Variants in LRFN5 observed in about 807,000 individuals in gnomAD.
LRFN5 encodes the protein leucine-rich repeat and fibronectin type-III domain-containing protein 5.
Under a neutral mutation model 45.6 loss-of-function variants are expected in LRFN5, and 24 were observed. That is an observed-to-expected ratio of 0.53 (90% CI 0.38 to 0.74). LRFN5 has a LOEUF of 0.74. Ranked by LOEUF, LRFN5 falls within the 30% of genes least tolerant of loss-of-function variation. The pLI, the probability that LRFN5 is intolerant of heterozygous loss-of-function variation, is 0.00. For synonymous variants in LRFN5, 340 were observed against 313.8 expected (o/e 1.08, Z -0.88); for missense variants, 776 against 861.5 (o/e 0.90, Z 1.24).
intron 1 of LRFN5, among the ~76,000 whole-genome samples, chr14:41,642,356 T>G (rs1172064282): frequency 1.3e-5 from 2 of 152,188 alleles, no homozygotes; most frequent in Non-Finnish European, 2.9e-5. Context: ...AGTATATCAT[T>G]CCTTTGCACC....
chr14:41,855,152 T>A (rs1245246944), intron 2 of LRFN5, among the ~76,000 whole-genome samples: 1 of 152,308 alleles, frequency 6.6e-6, no homozygotes, highest in East Asian at 1.9e-4. Context: ...CAGATGGATG[T>A]AGCAGGGTGA....
At chr14:41,768,317 T>C (rs551306656) in intron 2 of LRFN5, among the ~76,000 whole-genome samples, 15 of 152,278 alleles carry the variant, frequency 9.9e-5, no homozygotes, top group African/African-American at 3.6e-4. Flanking sequence ...TTAAGACATA[T>C]ACAAAAATAA....
At chr14:41,772,301 A>G (rs1183382240) in intron 2 of LRFN5, among the ~76,000 whole-genome samples, 6 of 152,186 alleles carry the variant, frequency 3.9e-5, no homozygotes, top group African/African-American at 1.4e-4. Flanking sequence ...TTTAAAGGAG[A>G]CAAACATCCA....
At chr14:41,798,768 TTTTC>T (rs1368315609) in intron 2 of LRFN5, among the ~76,000 whole-genome samples, 3 of 151,988 alleles carry the variant, frequency 2.0e-5, no homozygotes, top group African/African-American at 4.8e-5. Context: ...TTTATCATGT[TTTTC>T]TTTGTTTTGT....
At chr14:41,880,781 T>A (rs1890352791) in intron 2 of LRFN5, among the ~76,000 whole-genome samples, 1 of 152,180 alleles carries the variant, frequency 6.6e-6, no homozygotes, top group Non-Finnish European at 1.5e-5. Flanking sequence ...TTTCCTATCG[T>A]GTCATTTCAT....
chr14:41,823,608 G>T (rs1888199874), intron 2 of LRFN5, among the ~76,000 whole-genome samples: 1 of 152,078 alleles, frequency 6.6e-6, no homozygotes, highest in Admixed American at 6.6e-5. Context: ...AAAGCCTGAT[G>T]ACTATGTGCC....
At chr14:41,627,165 T>C (rs1444443602) in intron 1 of LRFN5, among the ~76,000 whole-genome samples, 1 of 152,088 alleles carries the variant, frequency 6.6e-6, no homozygotes. Context: ...ACATAACAAG[T>C]AATTCATCTT....
chr14:41,671,976 A>G (rs1881258305), intron 1 of LRFN5, among the ~76,000 whole-genome samples: 1 of 152,132 alleles, frequency 6.6e-6, no homozygotes, highest in African/African-American at 2.4e-5. Context: ...TAAGCATCTA[A>G]CCATGTTCAA....
intron 2 of LRFN5, among the ~76,000 whole-genome samples, chr14:41,852,405 T>C (rs1889301883): frequency 6.6e-6 from 1 of 151,948 alleles, no homozygotes; most frequent in South Asian, 2.1e-4. Context: ...CACTCACATT[T>C]TCCTTTTATA....
Position 41,673,161 on chromosome 14 carries a change from C to T in LRFN5, c.-197+64599C>T, listed in dbSNP as rs868417892. ...CCATCCGATTTCTCAATCTTTTCCC[C>T]GCCTTTCCCCTCTTTCTATTCCACA... On this transcript the variant is annotated intron_variant, in intron 1 of 5. Transcript: ENST00000298119. Among the ~76,000 whole-genome samples the T allele has an allele frequency of 4.9e-3, 751 of 152,216 alleles. 6 individuals carry two copies. The highest frequency in any genetic ancestry group is 0.017 in the African/African-American group (722 of 41,556).
intron 2 of LRFN5, among the ~76,000 whole-genome samples, chr14:41,799,221 GA>G (rs1887239665): frequency 6.6e-6 from 1 of 151,972 alleles, no homozygotes; most frequent in Admixed American, 6.6e-5. Context: ...AGAATATGAA[GA>G]CCTTTTCTGT....
At chr14:41,872,796 A>G (rs1486469906) in intron 2 of LRFN5, among the ~76,000 whole-genome samples, 1 of 152,238 alleles carries the variant, frequency 6.6e-6, no homozygotes, top group Non-Finnish European at 1.5e-5. Flanking sequence ...ATGGGTAAAA[A>G]TTAGGTTCTT....
chr14:41,834,437 C>T (rs1291245720), intron 2 of LRFN5, among the ~76,000 whole-genome samples: 1 of 152,092 alleles, frequency 6.6e-6, no homozygotes, highest in African/African-American at 2.4e-5. Context: ...TTTTTGAACC[C>T]AACTACACTT....
chr14:41,617,542 A>G (rs1887968779), intron 1 of LRFN5, among the ~76,000 whole-genome samples: 1 of 151,984 alleles, frequency 6.6e-6, no homozygotes, highest in South Asian at 2.1e-4. Flanking sequence ...CTGATCATAT[A>G]TCCTATTTTT....
intron 1 of LRFN5, among the ~76,000 whole-genome samples, chr14:41,714,101 T>C (rs1181974132): frequency 2.0e-5 from 3 of 152,162 alleles, no homozygotes; most frequent in African/African-American, 7.2e-5. Flanking sequence ...TGTGTATCCT[T>C]TGTATGGCAA....
chr14:41,670,296 TATATATATACAC>T (rs1881138161), intron 1 of LRFN5, among the ~76,000 whole-genome samples: 1 of 52,692 alleles, frequency 1.9e-5, no homozygotes, highest in African/African-American at 8.1e-5. Context: ...TATATATATA[TATATATATACAC>T]ACACACAGAA....
chr14:41,622,126 T>G (rs1215035451), intron 1 of LRFN5, among the ~76,000 whole-genome samples: 1 of 108,228 alleles, frequency 9.2e-6, no homozygotes, highest in Non-Finnish European at 2.0e-5. Context: ...TTTCCATCCC[T>G]CTTTTTTTTT....
chr14:41,687,071 T>C (rs943603554), intron 1 of LRFN5, among the ~76,000 whole-genome samples: 1 of 152,130 alleles, frequency 6.6e-6, no homozygotes, highest in African/African-American at 2.4e-5. Context: ...ACCTACAGAA[T>C]GGGAGAAATT....
intron 5 of LRFN5, among the ~76,000 whole-genome samples, chr14:41,900,120 T>C (rs1335887365): frequency 6.6e-6 from 1 of 152,098 alleles, no homozygotes; most frequent in Non-Finnish European, 1.5e-5. Context: ...TCATTTATCA[T>C]GTAACTTTAA....
Sources: allele counts gnomAD v4.1 joint callset (sites outside exome capture counted in the v4.1 genomes callset), GRCh38; gene constraint gnomAD v4.1.1; transcripts MANE v1.5; gene names NCBI Gene and HGNC (gene_info 2026-07-23, HGNC 2026-07-21).